The following NCOR2 variants were observed in gnomAD, a reference collection of about 807,000 sequenced individuals.
NCOR2 encodes nuclear receptor corepressor 2.
A neutral mutation model predicts 262.9 loss-of-function variants in NCOR2; 81 were observed. The observed-to-expected ratio is 0.31, with a 90% CI of 0.26 to 0.37. NCOR2 has a LOEUF of 0.37. NCOR2 is among the 10% of genes least tolerant of loss of function. The probability of loss-of-function intolerance (pLI) is 1.00; values close to 1 mark genes in which losing one functional copy is unlikely to be tolerated. For missense variants in NCOR2, 3,385 were observed against 3,621.4 expected, an observed-to-expected ratio of 0.93 and a Z score of 1.68; for synonymous variants, 1,659 against 1,559.3, an observed-to-expected ratio of 1.06 and a Z score of -1.51.
chr12:124,505,986 CA>C (rs2049016865), intron 1 of NCOR2, among the ~76,000 whole-genome samples: 1 of 152,058 alleles, frequency 6.6e-6, no homozygotes, highest in African/African-American at 2.4e-5. Context: ...GCACCAGCCC[CA>C]TCTCTCCCCT....
intron 22 of NCOR2, among the ~76,000 whole-genome samples, chr12:124,357,700 G>T (rs1365904369): frequency 6.6e-6 from 1 of 152,262 alleles, no homozygotes. Flanking sequence ...AGATTGTCTG[G>T]CCCACAAAGC....
At chr12:124,425,603 C>T (rs1024802662) in intron 11 of NCOR2, among the ~76,000 whole-genome samples, 2 of 152,070 alleles carry the variant, frequency 1.3e-5, no homozygotes, top group Admixed American at 6.6e-5. Context: ...TCTGGGGACC[C>T]CGGGCCAGGG....
intron 19 of NCOR2, among the ~76,000 whole-genome samples, chr12:124,373,103 G>T (rs1295373826): frequency 6.6e-6 from 1 of 152,254 alleles, no homozygotes; most frequent in African/African-American, 2.4e-5. Flanking sequence ...GGAGAAGCTG[G>T]CAATTGTGAG....
At chr12:124,384,761 A>T (rs2040667369) in intron 17 of NCOR2, among the ~76,000 whole-genome samples, 1 of 151,958 alleles carries the variant, frequency 6.6e-6, no homozygotes, top group Non-Finnish European at 1.5e-5. Context: ...AACCCACTGC[A>T]CACACTTTAC....
intron 2 of NCOR2, among the ~76,000 whole-genome samples, chr12:124,484,940 G>C (rs1593770511): frequency 1.3e-5 from 2 of 152,204 alleles, no homozygotes; most frequent in African/African-American, 4.8e-5. Flanking sequence ...GCACGGGCTG[G>C]GGCCGTGTTG....
chr12:124,348,083 C>T (rs1166417982), intron 29 of NCOR2, 91 bp downstream of exon 31: 2 of 1,574,202 alleles, frequency 1.3e-6, no homozygotes, highest in Non-Finnish European at 1.7e-6. Flanking sequence ...GAAAGCCCAG[C>T]CTCGGTTTCC....
chr12:124,373,114 G>A lies in NCOR2; in HGVS notation c.2219-504C>T, dbSNP rs1006737598. Among the ~76,000 whole-genome samples, 5 of 152,386 alleles carry A rather than the reference G, an allele frequency of 3.3e-5. No individual in the cohort carries two copies. In the East Asian group the frequency reaches 9.6e-4, roughly 29 times the overall value. On this transcript the variant is annotated intron_variant, in intron 19 of 46. Coordinates refer to ENST00000405201, the Ensembl canonical transcript of NCOR2. ...GGGCGGAGAAGCTGGCAATTGTGAG[G>A]GCAAGGGCAACTGCCTGGTGACTGC...
At chr12:124,493,772 G>A (rs1308758693) in intron 1 of NCOR2, among the ~76,000 whole-genome samples, 2 of 152,190 alleles carry the variant, frequency 1.3e-5, no homozygotes, top group Non-Finnish European at 2.9e-5. Context: ...CTATTCCTTA[G>A]CCCCAGGCAC....
intron 3 of NCOR2, among the ~76,000 whole-genome samples, chr12:124,473,784 G>T (rs2046949747): frequency 6.6e-6 from 1 of 151,886 alleles, no homozygotes; most frequent in Admixed American, 6.6e-5. Context: ...ACCAGTCTTG[G>T]GTATGTCTTT....
chr12:124,401,698 G>A lies in NCOR2; in HGVS notation c.1640+706C>T, dbSNP rs777912696. Among the ~76,000 whole-genome samples the A allele has an allele frequency of 2.4e-4, 37 of 152,248 alleles. 1 individual carries two copies. Among genetic ancestry groups the A allele is most frequent in the Non-Finnish European group, 1.2e-4 (8 of 68,040 alleles). ...GCTCTCGCAGAAGTGACTGGGGAGA[G>A]TTTTACTGCGGGAGGCTCAGATTGA... On this transcript the variant is annotated intron_variant, in intron 14 of 46. Transcript: ENST00000405201.
chr12:124,408,223 G>A (rs935446551), intron 13 of NCOR2, among the ~76,000 whole-genome samples: 4 of 152,012 alleles, frequency 2.6e-5, no homozygotes, highest in Admixed American at 2.0e-4. Context: ...GCTTGGTGGC[G>A]GGCGCCTGTA....
At chr12:124,493,844 C>T (rs886310872) in intron 1 of NCOR2, among the ~76,000 whole-genome samples, 10 of 152,142 alleles carry the variant, frequency 6.6e-5, no homozygotes, top group African/African-American at 9.7e-5. Flanking sequence ...CTTGGAGCCC[C>T]GATGCTGTGG....
rs1408343986 is a variant in NCOR2 at position 124,549,353 on chromosome 12, CT to C, written c.-164-13743del. 6.6e-6 allele frequency among the ~76,000 whole-genome samples: 1 copy of C among 152,180 alleles called. No individual in the cohort carries two copies. Among genetic ancestry groups the C allele is most frequent in the African/African-American group, 2.4e-5 (1 of 41,432 alleles). On this transcript the variant is annotated intron_variant, in intron 1 of 32. Transcript: ENST00000458234. This position sits in a 1 kb window ranked among gnomAD's most constrained non-coding sequence, Gnocchi z 4.4. Reference sequence around the variant, plus strand: ...GCCGGGTGGCCCACTGCCCGTCTGGCTTTCGAGGAGATAAGCCGCCTGCTCA... The same window carrying C: ...GCCGGGTGGCCCACTGCCCGTCTGGCTTCGAGGAGATAAGCCGCCTGCTCA...
chr12:124,388,889 G>T, intron 16 of NCOR2: 1 of 707,020 alleles, frequency 1.4e-6, no homozygotes. Flanking sequence ...AGGGAGGGAG[G>T]GAGGGAGCGA....
chr12:124,495,803 G>A (rs577404355), upstream of NCOR2, among the ~76,000 whole-genome samples: 7 of 152,236 alleles, frequency 4.6e-5, no homozygotes, highest in South Asian at 6.2e-4. This position sits in a 1 kb window ranked among gnomAD's most constrained non-coding sequence, Gnocchi z 4.4. Context: ...CCGCTGTCCC[G>A]GGCAGCAGGG....
intron 1 of NCOR2, among the ~76,000 whole-genome samples, chr12:124,557,397 C>A (rs2051916982): frequency 6.6e-6 from 1 of 152,234 alleles, no homozygotes; most frequent in African/African-American, 2.4e-5. Flanking sequence ...CCAGCAGTCC[C>A]TGGCACTTCT....
At chr12:124,530,077 T>C (rs1394340049) in intron 1 of NCOR2, 4 of 152,192 alleles carry the variant, frequency 2.6e-5, no homozygotes, top group Non-Finnish European at 4.4e-5. Context: ...CATCAACTGA[T>C]GAATGGATAA....
Position 124,455,277 on chromosome 12 carries a change from GC to G in NCOR2, c.762+1828del, listed in dbSNP as rs2045780569. 1.3e-5 allele frequency among the ~76,000 whole-genome samples: 2 copies of G among 152,206 alleles called. 1 individual carries two copies. Among genetic ancestry groups the G allele is most frequent in the South Asian group, 4.1e-4 (2 of 4,836 alleles). ...AGCTGTTTACAAAACAAAAAAACAA[GC>G]AAGCAGCAGCTGCTGCTGCTGAAAA... On this transcript the variant is annotated intron_variant, in intron 6 of 46. Coordinates refer to ENST00000405201, the Ensembl canonical transcript of NCOR2.
intron 13 of NCOR2, among the ~76,000 whole-genome samples, chr12:124,406,901 G>A (rs773088641): frequency 2.0e-5 from 3 of 152,198 alleles, no homozygotes; most frequent in African/African-American, 7.2e-5. Context: ...GCAAAAGCTC[G>A]CTGAGCACAT....
Sources: gnomAD v4.1 joint callset for allele counts (sites outside exome capture counted in the v4.1 genomes callset) on GRCh38, gnomAD v4.1.1 for gene constraint, Gnocchi (gnomAD v3.1) non-coding constraint, MANE v1.5 for transcripts, NCBI Gene and HGNC (gene_info 2026-07-23, HGNC 2026-07-21) for gene names.